Variants in CIB4 observed in about 807,000 individuals in gnomAD.
CIB4 encodes calcium and integrin binding family member 4, also known as calcium and integrin-binding family member 4.
CIB4 carries 25 observed loss-of-function variants against 25.8 expected under a neutral mutation model. The ratio of observed to expected loss-of-function variants is 0.97; its 90% confidence interval spans 0.71 to 1.35. The LOEUF is 1.35. CIB4 is among the 40% of genes most tolerant of loss of function. The probability of loss-of-function intolerance (pLI) is 0.00; values close to 1 mark genes in which losing one functional copy is unlikely to be tolerated. For missense variants in CIB4, 235 were observed against 228.2 expected (o/e 1.03, Z -0.19); for synonymous variants, 75 against 81.4 (o/e 0.92, Z 0.42).
intron 3 of CIB4, among the ~76,000 whole-genome samples, chr2:26,618,471 G>A (rs1669138282): frequency 6.6e-6 from 1 of 152,128 alleles, no homozygotes; most frequent in Admixed American, 6.5e-5. Context: ...TTTTTGTAGA[G>A]AAAGGATCTC....
intron 4 of CIB4, among the ~76,000 whole-genome samples, chr2:26,590,627 G>A (rs1293883613): frequency 6.6e-6 from 1 of 151,738 alleles, no homozygotes; most frequent in African/African-American, 2.4e-5. Context: ...CTCCCCCCTC[G>A]ACTTACTACG....
intron 2 of CIB4, among the ~76,000 whole-genome samples, chr2:26,634,042 C>A (rs562367468): frequency 9.1e-4 from 138 of 152,260 alleles, no homozygotes; most frequent in Middle Eastern, 3.4e-3. Context: ...TAGTTCTCAA[C>A]GGGGTCCCAC....
At chr2:26,590,275 A>AAAC (rs1553373383) in intron 4 of CIB4, among the ~76,000 whole-genome samples, 17 of 151,520 alleles carry the variant, frequency 1.1e-4, no homozygotes, top group Admixed American at 5.3e-4. Flanking sequence ...AAAAAAAAAA[A>AAAC]AAAAAAAAAC....
chr2:26,584,499 G>A (rs1572536157), intron 4 of CIB4, among the ~76,000 whole-genome samples: 1 of 152,232 alleles, frequency 6.6e-6, no homozygotes, highest in East Asian at 1.9e-4. Context: ...AATGGTCCTT[G>A]TAGACTGTCC....
intron 4 of CIB4, among the ~76,000 whole-genome samples, chr2:26,592,681 T>G (rs532780616): frequency 6.6e-6 from 1 of 152,314 alleles, no homozygotes; most frequent in African/African-American, 2.4e-5. Context: ...ATTAAGTTAT[T>G]TCTATTGTTC....
chr2:26,614,263 G>C (rs1669050578), intron 3 of CIB4, among the ~76,000 whole-genome samples: 1 of 152,206 alleles, frequency 6.6e-6, no homozygotes, highest in Non-Finnish European at 1.5e-5. Flanking sequence ...CTTGGGACCA[G>C]GACTCTTGAA....
intron 3 of CIB4, among the ~76,000 whole-genome samples, chr2:26,603,906 G>A (rs774677673): frequency 1.3e-5 from 2 of 151,646 alleles, no homozygotes; most frequent in Non-Finnish European, 2.9e-5. Context: ...AGGAGACTGA[G>A]GTGGGAGGAT....
At chr2:26,605,967 G>A (rs754191325) in intron 3 of CIB4, among the ~76,000 whole-genome samples, 13 of 152,184 alleles carry the variant, frequency 8.5e-5, no homozygotes, top group Non-Finnish European at 1.9e-4. Context: ...TGCAGGCGGG[G>A]TTTGAGGAAT....
chr2:26,599,397 T>C lies in CIB4; in HGVS notation c.187-4080A>G, dbSNP rs1442881165. On this transcript the variant is annotated intron_variant, in intron 3 of 6. Transcript: ENST00000288861. ...TGCCAAAAAAACTAAAAGTTTTCTT[T>C]TTTTAAAGATCTTCTTAAAGTTATT... Among the ~76,000 whole-genome samples the C allele has an allele frequency of 2.6e-5, 4 of 152,236 alleles. No homozygotes were observed. In the South Asian group the frequency reaches 6.2e-4, roughly 24 times the overall value.
intron 3 of CIB4, among the ~76,000 whole-genome samples, chr2:26,600,759 T>C (rs1558560759): frequency 1.3e-5 from 2 of 152,206 alleles, no homozygotes; most frequent in Admixed American, 6.5e-5. Context: ...ATATTATTAA[T>C]GTTGATTCTT....
intron 2 of CIB4, among the ~76,000 whole-genome samples, chr2:26,633,967 C>G (rs897139419): frequency 6.6e-6 from 1 of 152,180 alleles, no homozygotes; most frequent in Non-Finnish European, 1.5e-5. Context: ...TCCTATGACT[C>G]TAGTCTTTCG....
intron 3 of CIB4, among the ~76,000 whole-genome samples, chr2:26,600,682 C>A (rs911464369): frequency 2.0e-5 from 3 of 152,122 alleles, no homozygotes; most frequent in African/African-American, 7.2e-5. Context: ...AAGGGTGTAA[C>A]AAAACCTTTT....
intron 4 of CIB4, among the ~76,000 whole-genome samples, chr2:26,588,709 C>T (rs953023815): frequency 1.3e-5 from 2 of 152,228 alleles, no homozygotes; most frequent in African/African-American, 4.8e-5. Context: ...GCGTCAGTCC[C>T]TGGGAAGGTA....
intron 4 of CIB4, among the ~76,000 whole-genome samples, chr2:26,593,253 G>A (rs1028493860): frequency 6.6e-6 from 1 of 152,036 alleles, no homozygotes; most frequent in African/African-American, 2.4e-5. Context: ...ATAATCACAT[G>A]AGCCAGTTCC....
At chr2:26,620,641 A>G (rs1258032458) in intron 3 of CIB4, among the ~76,000 whole-genome samples, 1 of 152,184 alleles carries the variant, frequency 6.6e-6, no homozygotes, top group African/African-American at 2.4e-5. Flanking sequence ...ATGACCCCTC[A>G]GATCGCCCTT....
At chr2:26,587,475 T>A (rs1668480436) in intron 4 of CIB4, among the ~76,000 whole-genome samples, 2 of 152,162 alleles carry the variant, frequency 1.3e-5, no homozygotes, top group African/African-American at 2.4e-5. Context: ...TAATTCATTA[T>A]CTGAGTCTCA....
chr2:26,627,686 C>T lies in CIB4; in HGVS notation c.186+1724G>A, dbSNP rs897638927. ...TTGTTTCTGTCACAGTCACAGTCTC[C>T]GATTCACTCACCTTTCTGAGGTTTC... On this transcript the variant is annotated intron_variant, in intron 3 of 6. Coordinates refer to ENST00000288861, the MANE Select transcript of CIB4 (RefSeq NM_001029881.3). This position sits in a 1 kb window ranked among gnomAD's most constrained non-coding sequence, Gnocchi z 4.0. Among the ~76,000 whole-genome samples, 4 of 152,114 alleles carry T rather than the reference C, an allele frequency of 2.6e-5. No individual in the cohort carries two copies. The highest frequency in any genetic ancestry group is 4.8e-5 in the African/African-American group (2 of 41,396).
chr2:26,623,740 G>T (rs189589378), intron 3 of CIB4: 2 of 321,442 alleles, frequency 6.2e-6, no homozygotes, highest in Non-Finnish European at 1.3e-5. Flanking sequence ...AGAGGCCAGG[G>T]GGGTGAGGTG....
chr2:26,616,485 C>A (rs757406746), intron 3 of CIB4, among the ~76,000 whole-genome samples: 1 of 152,172 alleles, frequency 6.6e-6, no homozygotes, highest in Non-Finnish European at 1.5e-5. Flanking sequence ...CCCGCTGGGG[C>A]GTCTGGGCAC....
Sources: allele counts gnomAD v4.1 joint callset (sites outside exome capture counted in the v4.1 genomes callset), GRCh38; gene constraint gnomAD v4.1.1; non-coding constraint Gnocchi (gnomAD v3.1); transcripts MANE v1.5; gene names NCBI Gene and HGNC (gene_info 2026-07-23, HGNC 2026-07-21).